Variants in TMEM165 observed in about 807,000 individuals in gnomAD.
TMEM165 encodes transmembrane protein 165, also known as putative divalent cation/proton antiporter TMEM165.
In TMEM165, 19 loss-of-function variants were observed where a neutral mutation model predicts 30.0. The observed-to-expected ratio is 0.63, with a 90% CI of 0.44 to 0.93. TMEM165 has a LOEUF of 0.93. TMEM165 is among the 40% of genes least tolerant of loss of function. The probability of loss-of-function intolerance (pLI) is 0.00; values close to 1 mark genes in which losing one functional copy is unlikely to be tolerated. For synonymous variants in TMEM165, 168 were observed against 162.9 expected, an observed-to-expected ratio of 1.03 and a Z score of -0.24; for missense variants, 340 against 417.0, an observed-to-expected ratio of 0.82 and a Z score of 1.61.
chr4:55,438,588 A>G (rs1489633623), intron 3 of TMEM165: 11 of 1,611,404 alleles, frequency 6.8e-6, no homozygotes, highest in Non-Finnish European at 9.3e-6. Context: ...CAAGGTATAC[A>G]TCATAAAACG....
In TMEM165 at chr4:55,425,530, A is replaced by G; in HGVS notation, c.*78A>G. 1.7e-6 allele frequency: 2 copies of G among 1,148,996 alleles called. No homozygotes were observed. The highest frequency in any genetic ancestry group is 2.6e-6 in the Non-Finnish European group (2 of 779,884). The allele number at this position is 1,148,996 out of a possible 1,614,324, so 71.2% of individuals were successfully genotyped here. On this transcript the variant is annotated 3_prime_UTR_variant, in exon 6 of 6. Coordinates refer to ENST00000381334, the MANE Select transcript of TMEM165 (RefSeq NM_018475.5). ...GTACATAGTGTACATTACAACTAAA[A>G]GTGATGGAAAAATACTGTATTTTGT... is the stretch of plus-strand genomic sequence containing the variant.
intron 3 of TMEM165, chr4:55,449,267 T>G (rs1423703459): frequency 1.3e-6 from 1 of 788,648 alleles, no homozygotes; most frequent in African/African-American, 1.7e-5. Flanking sequence ...CTTAAGTAAG[T>G]GTCACATATC....
chr4:55,439,471 T>G (rs1222777135), intron 3 of TMEM165, among the ~76,000 whole-genome samples: 1 of 152,116 alleles, frequency 6.6e-6, no homozygotes, highest in Non-Finnish European at 1.5e-5. Context: ...CTCAAAAAAT[T>G]CACTATAGGA....
intron 1 of TMEM165, chr4:55,397,319 G>GTTCA (rs1375595379): frequency 1.3e-5 from 2 of 152,142 alleles, no homozygotes; most frequent in Admixed American, 1.3e-4. Context: ...GGAGAGTGAT[G>GTTCA]TTCAGGTTTC....
At chr4:55,426,701 A>G (rs937166161), downstream of TMEM165, among the ~76,000 whole-genome samples, 2 of 152,218 alleles carry the variant, frequency 1.3e-5, no homozygotes, top group Non-Finnish European at 2.9e-5. Flanking sequence ...AGCTACTACA[A>G]AGGTCCACAA....
intron 1 of TMEM165, among the ~76,000 whole-genome samples, chr4:55,404,823 G>GT (rs1200689944): frequency 6.6e-6 from 1 of 152,172 alleles, no homozygotes; most frequent in Non-Finnish European, 1.5e-5. Flanking sequence ...ATTCTCTACT[G>GT]TTTAAGAATC....
chr4:55,451,704 G>C (rs1222742566), intron 3 of TMEM165, among the ~76,000 whole-genome samples: 1 of 152,184 alleles, frequency 6.6e-6, no homozygotes, highest in African/African-American at 2.4e-5. Context: ...TATTACTTCA[G>C]TTTTCATAAT....
At chr4:55,452,897 A>C (rs1724591730) in exon 4 of TMEM165, 3 of 568,202 alleles carry the variant, frequency 5.3e-6, no homozygotes, top group Admixed American at 6.4e-5. Flanking sequence ...AGACTCTAAA[A>C]TATTAAATTA....
chr4:55,452,894 A>C (rs1724591248), exon 4 of TMEM165: 1 of 559,210 alleles, frequency 1.8e-6, no homozygotes. Flanking sequence ...GTGAGACTCT[A>C]AAATATTAAA....
chr4:55,410,469 C>T (rs372183727), intron 1 of TMEM165, among the ~76,000 whole-genome samples: 52 of 152,198 alleles, frequency 3.4e-4, no homozygotes, highest in African/African-American at 1.2e-3. Flanking sequence ...GTGCAATGGG[C>T]GCAGTCTCAG....
intron 1 of TMEM165, among the ~76,000 whole-genome samples, chr4:55,402,926 G>A (rs1721091796): frequency 6.7e-6 from 1 of 149,152 alleles, no homozygotes; most frequent in South Asian, 2.2e-4. Context: ...CAAGTAGCTG[G>A]GACTACAGGT....
intron 3 of TMEM165, chr4:55,434,836 CCTTTT>C (rs756970365): frequency 9.5e-5 from 15 of 157,470 alleles, no homozygotes; most frequent in Non-Finnish European, 1.1e-4. Context: ...TGCTTTCTCT[CCTTTT>C]ATCTAGACAT....
chr4:55,417,109 C>T lies in TMEM165; in HGVS notation c.471C>T (p.Val157=). The change falls in exon 3 of 6, where the codon GTC becomes GTT. Residue 157 remains valine (V), a synonymous_variant. Transcript: ENST00000381334. ...ATGCCACCACAGTCATCCCCAGGGT[C>T]TATACATACTATGTTTCAACTGTAT... ...FGYATTVIPR[V]YTYYVSTVLF... The T allele has an allele frequency of 6.2e-7, 1 of 1,613,298 alleles. No homozygotes were observed. Among genetic ancestry groups the T allele is most frequent in the Non-Finnish European group, 8.5e-7 (1 of 1,179,720 alleles).
At chr4:55,414,805 G>T (rs1056254132) in intron 2 of TMEM165, among the ~76,000 whole-genome samples, 4 of 152,096 alleles carry the variant, frequency 2.6e-5, no homozygotes, top group Non-Finnish European at 5.9e-5. Context: ...GGAATGGGCT[G>T]TTCCCCATTT....
intron 3 of TMEM165, 151 bp from the exon 4 acceptor site, chr4:55,417,652 G>A: frequency 1.5e-6 from 1 of 645,172 alleles, no homozygotes. Flanking sequence ...TGTGAGACCA[G>A]TGGTTCAGAG....
intron 1 of TMEM165, among the ~76,000 whole-genome samples, chr4:55,403,704 A>G (rs1324687711): frequency 1.3e-5 from 2 of 152,140 alleles, no homozygotes; most frequent in Non-Finnish European, 2.9e-5. Context: ...CATGATATAT[A>G]ACACTGTATA....
chr4:55,427,256 T>C (rs907939130), downstream of TMEM165, among the ~76,000 whole-genome samples: 3 of 151,706 alleles, frequency 2.0e-5, 1 homozygote, highest in Admixed American at 2.0e-4. Flanking sequence ...CAGGCTGGTC[T>C]CGAACTCCTG....
exon 4 of TMEM165, chr4:55,453,305 G>T (rs922460491): frequency 1.7e-6 from 1 of 590,420 alleles, no homozygotes; most frequent in African/African-American, 1.9e-5. Flanking sequence ...ATTTTTCTAG[G>T]TATCTTAAAG....
chr4:55,416,786 C>T (rs1281115560), intron 2 of TMEM165: 1 of 231,354 alleles, frequency 4.3e-6, no homozygotes, highest in East Asian at 1.1e-4. Flanking sequence ...ACTGAACATG[C>T]CTGGAAAGGA....
Sources: gnomAD v4.1 joint callset for allele counts (sites outside exome capture counted in the v4.1 genomes callset) on GRCh38, gnomAD v4.1.1 for gene constraint, MANE v1.5 for transcripts, NCBI Gene and HGNC (gene_info 2026-07-23, HGNC 2026-07-21) for gene names.